Variants in PCDHGA4 observed in about 807,000 individuals in gnomAD.
The protein encoded by PCDHGA4 is protocadherin gamma-A4.
In PCDHGA4, 38 loss-of-function variants were observed where a neutral mutation model predicts 54.6. The observed-to-expected ratio is 0.70, with a 90% CI of 0.54 to 0.91. The LOEUF (loss-of-function observed/expected upper bound fraction) is 0.91. PCDHGA4 is among the 40% of genes least tolerant of loss of function. PCDHGA4 has a pLI of 0.00. For missense variants in PCDHGA4, 1,298 were observed against 1,220.9 expected (o/e 1.06, Z -0.94); for synonymous variants, 511 against 512.9 (o/e 1.00, Z 0.05).
intron 1 of PCDHGA4, among the ~76,000 whole-genome samples, chr5:141,472,267 C>T (rs547832378): frequency 6.6e-5 from 10 of 152,216 alleles, no homozygotes; most frequent in African/African-American, 2.4e-4. Context: ...TATAGCCGGG[C>T]ACAGTGGCTC....
chr5:141,503,713 C>T (rs867005984), intron 2 of PCDHGA4, among the ~76,000 whole-genome samples: 6 of 152,134 alleles, frequency 3.9e-5, no homozygotes, highest in Non-Finnish European at 8.8e-5. Context: ...TCCCCTTCAA[C>T]CCTAGCTTTA....
intron 1 of PCDHGA4, chr5:141,422,056 G>A: frequency 8.7e-6 from 14 of 1,611,934 alleles, no homozygotes; most frequent in Non-Finnish European, 1.2e-5. Flanking sequence ...AATCAACGGG[G>A]AAGTAATGTA....
intron 1 of PCDHGA4, chr5:141,430,537 A>T (rs1270804825): frequency 7.8e-6 from 3 of 385,890 alleles, no homozygotes; most frequent in African/African-American, 2.1e-5. Flanking sequence ...TAGGACTCTG[A>T]GCGCCGCTGT....
At chr5:141,400,776 GT>G (rs1167512157) in intron 1 of PCDHGA4, 17 of 557,594 alleles carry the variant, frequency 3.0e-5, no homozygotes, top group East Asian at 1.8e-4. Flanking sequence ...CATTTGGTGC[GT>G]TTTTTTGTCC....
At position 141,431,359 on chromosome 5, in the gene PCDHGA4, G is replaced by C; in HGVS notation, c.2515-63448G>C. ...CCGAATTGGTGCTGAAACGCGCCCT[G>C]GACCGCGAAGAAAAGGCTGCTCACC... On this transcript the variant is annotated intron_variant, in intron 1 of 3. Coordinates refer to ENST00000571252, the MANE Select transcript of PCDHGA4 (RefSeq NM_018917.4). This position sits in a 1 kb window ranked among gnomAD's most constrained non-coding sequence, Gnocchi z 4.8. The C allele has an allele frequency of 6.2e-7, 1 of 1,614,024 alleles. No homozygotes were observed. Among genetic ancestry groups the C allele is most frequent in the Non-Finnish European group, 8.5e-7 (1 of 1,180,030 alleles).
intron 1 of PCDHGA4, chr5:141,441,671 C>A (rs1027440120): frequency 7.0e-6 from 2 of 287,530 alleles, no homozygotes; most frequent in South Asian, 2.9e-5. Flanking sequence ...GCGCACAGTG[C>A]GCCTTCGACC....
chr5:141,381,991 G>A (rs1019937357), intron 1 of PCDHGA4, among the ~76,000 whole-genome samples: 3 of 151,726 alleles, frequency 2.0e-5, no homozygotes, highest in East Asian at 3.9e-4. Context: ...CACCACGCCC[G>A]GATAATTTTG....
At chr5:141,376,213 G>A (rs754053100) in intron 1 of PCDHGA4, 3 of 1,614,224 alleles carry the variant, frequency 1.9e-6, no homozygotes, top group South Asian at 1.1e-5. Flanking sequence ...TCGTCATCGT[G>A]CTGCTGGCGC....
chr5:141,433,245 A>C, intron 1 of PCDHGA4: 3 of 1,459,776 alleles, frequency 2.1e-6, no homozygotes, highest in Non-Finnish European at 2.8e-6. Context: ...CCAAGCTGGA[A>C]TGCAGCGGTA....
chr5:141,507,495 G>T (rs375483743), intron 3 of PCDHGA4, among the ~76,000 whole-genome samples: 2 of 152,234 alleles, frequency 1.3e-5, no homozygotes, highest in Non-Finnish European at 2.9e-5. Context: ...AGGCAGAGCT[G>T]TCCCAGGTCT....
chr5:141,415,761 T>A (rs1047830043), intron 1 of PCDHGA4: 2 of 1,399,648 alleles, frequency 1.4e-6, no homozygotes, highest in African/African-American at 3.0e-5. Context: ...TTTTTTTTTT[T>A]TTTTTTTTTT....
At chr5:141,383,042 T>A (rs1397489820) in intron 1 of PCDHGA4, 10 of 1,613,724 alleles carry the variant, frequency 6.2e-6, no homozygotes, top group Non-Finnish European at 7.6e-6. Flanking sequence ...GTGGGAGACA[T>A]CGCCAAGGAC....
intron 1 of PCDHGA4, among the ~76,000 whole-genome samples, chr5:141,469,317 C>T (rs1354878667): frequency 6.6e-6 from 1 of 152,092 alleles, no homozygotes; most frequent in Non-Finnish European, 1.5e-5. Flanking sequence ...TGGCTCACGC[C>T]TGTAATCCCA....
At chr5:141,474,215 A>G (rs1393533136) in intron 1 of PCDHGA4, among the ~76,000 whole-genome samples, 1 of 152,216 alleles carries the variant, frequency 6.6e-6, no homozygotes, top group East Asian at 1.9e-4. Context: ...CAAAAACCAG[A>G]TTGTGAATTA....
chr5:141,383,144 G>A (rs1306014093), intron 1 of PCDHGA4: 19 of 1,614,132 alleles, frequency 1.2e-5, no homozygotes, highest in Non-Finnish European at 1.4e-5. Flanking sequence ...CAGCGCAGCG[G>A]CAGCTTGGTC....
In PCDHGA4 at chr5:141,511,032, G is replaced by C. The variant is rs779589499; in HGVS notation, c.2748G>C (p.Gln916His). Residue 916 changes from glutamine to histidine, a missense_variant, in exon 4 of 4, where the codon CAG (glutamine) becomes CAC (histidine). Gln to His is a conservative substitution (Grantham distance 24). Coordinates refer to ENST00000571252, the MANE Select transcript of PCDHGA4 (RefSeq NM_018917.4). ...SARYGPQFTL[Q>H]HVPDYRQNVY... ...GCTACGGACCCCAGTTCACCCTGCA[G>C]CACGTGCCCGACTACCGCCAGAATG... 6.2e-7 allele frequency: 1 copy of C among 1,614,228 alleles called. No individual in the cohort carries two copies. The highest frequency in any genetic ancestry group is 8.5e-7 in the Non-Finnish European group (1 of 1,180,036).
chr5:141,419,579 C>G (rs759041306), intron 1 of PCDHGA4: 11 of 1,611,812 alleles, frequency 6.8e-6, no homozygotes, highest in Non-Finnish European at 9.3e-6. Flanking sequence ...CGGCTCCGCG[C>G]TCTTCGACAC....
In PCDHGA4 at chr5:141,427,233, G is replaced by A. The variant is rs147039909; in HGVS notation, c.2515-67574G>A. On this transcript the variant is annotated intron_variant, in intron 1 of 3. Transcript: ENST00000571252. Reference sequence around the variant, plus strand: ...ATTTCGTAGCAGTTATACCATGAGAGTAGAAGCTAAGGATGGTGGAGGCAT... The same window carrying A: ...ATTTCGTAGCAGTTATACCATGAGAATAGAAGCTAAGGATGGTGGAGGCAT... 180 of 456,756 alleles carry A rather than the reference G, an allele frequency of 3.9e-4. 1 individual carries two copies. The highest frequency in any genetic ancestry group is 3.5e-3 in the African/African-American group (176 of 50,196). The allele number at this position is 456,756 out of a possible 1,614,324, so 28.3% of individuals were successfully genotyped here.
At chr5:141,395,251 T>G (rs2093205315) in intron 1 of PCDHGA4, 2 of 1,557,062 alleles carry the variant, frequency 1.3e-6, no homozygotes, top group Non-Finnish European at 1.7e-6. Context: ...AGTTTAGTTC[T>G]TTGCTTGCTT....
Sources: allele counts gnomAD v4.1 joint callset (sites outside exome capture counted in the v4.1 genomes callset), GRCh38; gene constraint gnomAD v4.1.1; non-coding constraint Gnocchi (gnomAD v3.1); transcripts MANE v1.5; gene names NCBI Gene and HGNC (gene_info 2026-07-23, HGNC 2026-07-21).